The following SLC19A1 variants were observed in gnomAD, a reference collection of about 807,000 sequenced individuals.
SLC19A1 encodes the protein solute carrier family 19 member 1.
Under a neutral mutation model 35.3 loss-of-function variants are expected in SLC19A1, and 37 were observed. The ratio of observed to expected loss-of-function variants is 1.05; its 90% CI spans 0.81 to 1.38. SLC19A1 has a LOEUF of 1.38. Ranked by LOEUF, SLC19A1 falls within the 40% of genes most tolerant of loss-of-function variation. The pLI is 0.00. For synonymous variants in SLC19A1, 460 were observed against 398.5 expected (o/e 1.15, Z -1.84); for missense variants, 831 against 826.9 (o/e 1.00, Z -0.06).
chr21:45,524,655 A>G (rs1447547899), intron 5 of SLC19A1, among the ~76,000 whole-genome samples: 2 of 19,322 alleles, frequency 1.0e-4, no homozygotes, highest in African/African-American at 5.7e-4. Context: ...GGCCTCGGAG[A>G]CTCACCTGCC....
intron 5 of SLC19A1, among the ~76,000 whole-genome samples, chr21:45,516,463 C>T (rs985281527): frequency 6.6e-6 from 1 of 152,212 alleles, no homozygotes; most frequent in Non-Finnish European, 1.5e-5. Flanking sequence ...GCTGCCCCCC[C>T]ATGGTGCTGA....
upstream of SLC19A1, among the ~76,000 whole-genome samples, chr21:45,548,166 G>A (rs899894795): frequency 3.3e-5 from 5 of 152,180 alleles, no homozygotes; most frequent in African/African-American, 7.2e-5. Context: ...TTCATTTGGG[G>A]AAAGGGTGGT....
upstream of SLC19A1, among the ~76,000 whole-genome samples, chr21:45,548,122 G>A (rs1158181394): frequency 6.6e-6 from 1 of 152,202 alleles, no homozygotes; most frequent in Non-Finnish European, 1.5e-5. Flanking sequence ...CCACCCACAT[G>A]GACCACAGAT....
Position 45,529,704 on chromosome 21 carries a change from GGT to G in SLC19A1, c.1151+1064_1151+1065del, listed in dbSNP as rs745384574. ...GTGAGCATGTGTTGTGTGTCCGTGT[GGT>G]GTGTGTCCATCTGAGCGTGTAGCAT... On this transcript the variant is annotated intron_variant, in intron 4 of 5. Transcript: ENST00000311124. Among the ~76,000 whole-genome samples the G allele has an allele frequency of 6.6e-5, 10 of 151,706 alleles. No individual in the cohort carries two copies. The East Asian group carries it at 1.2e-3, about 18-fold the overall frequency.
downstream of SLC19A1, chr21:45,509,218 C>A: frequency 8.3e-7 from 1 of 1,211,016 alleles, no homozygotes; most frequent in Non-Finnish European, 1.1e-6. Flanking sequence ...CCCAGGGCAG[C>A]CCCAGAGTCG....
chr21:45,512,413 C>T (rs149459132), downstream of SLC19A1: 412 of 1,610,088 alleles, frequency 2.6e-4, 2 homozygotes, highest in East Asian at 6.7e-3. Flanking sequence ...CGCCTGGATG[C>T]GGATGGCCGG....
upstream of SLC19A1, among the ~76,000 whole-genome samples, chr21:45,549,137 T>C (rs1479460938): frequency 6.6e-6 from 1 of 152,146 alleles, no homozygotes; most frequent in East Asian, 1.9e-4. Context: ...AACCCGAATA[T>C]CCATTATGGG....
intron 5 of SLC19A1, among the ~76,000 whole-genome samples, chr21:45,521,245 GC>G (rs2077430829): frequency 6.6e-6 from 1 of 152,164 alleles, no homozygotes; most frequent in Non-Finnish European, 1.5e-5. Flanking sequence ...TGCTATGGCA[GC>G]CCAAACAGAC....
chr21:45,559,958 A>G (rs578261590), intron 1 of SLC19A1, among the ~76,000 whole-genome samples: 2 of 151,874 alleles, frequency 1.3e-5, no homozygotes, highest in Non-Finnish European at 2.9e-5. Flanking sequence ...ACAGCCCCAG[A>G]GACAGGATCC....
chr21:45,503,795 T>TA, intron 3 of SLC19A1: 1 of 281,132 alleles, frequency 3.6e-6, no homozygotes, highest in East Asian at 6.5e-5. Context: ...ATAATAAATT[T>TA]AAAAAATTTA....
At chr21:45,560,525 G>A (rs376990794) in intron 1 of SLC19A1, among the ~76,000 whole-genome samples, 39 of 151,662 alleles carry the variant, frequency 2.6e-4, no homozygotes, top group African/African-American at 9.0e-4. Context: ...AATGGGATGT[G>A]GCACTGGCAC....
downstream of SLC19A1, among the ~76,000 whole-genome samples, chr21:45,511,597 T>A (rs1047829571): frequency 2.0e-5 from 3 of 151,928 alleles, no homozygotes; most frequent in Admixed American, 2.0e-4. Flanking sequence ...CGAGCATGTG[T>A]GCCCTTAAAA....
chr21:45,558,055 G>A (rs2078580834), intron 1 of SLC19A1, among the ~76,000 whole-genome samples: 1 of 152,272 alleles, frequency 6.6e-6, no homozygotes, highest in African/African-American at 2.4e-5. Context: ...TCTGTGCCGA[G>A]TGGCTCCATA....
At chr21:45,558,561 C>T (rs1326339220) in intron 1 of SLC19A1, among the ~76,000 whole-genome samples, 1 of 152,138 alleles carries the variant, frequency 6.6e-6, no homozygotes, top group African/African-American at 2.4e-5. Flanking sequence ...GCCAGTGTGA[C>T]TTGAGTTCAG....
intron 1 of SLC19A1, among the ~76,000 whole-genome samples, chr21:45,556,877 A>G (rs576381031): frequency 6.6e-5 from 10 of 151,082 alleles, no homozygotes; most frequent in African/African-American, 2.5e-4. Context: ...ACCGGCCTGC[A>G]CGTGTCTCCT....
intron 2 of SLC19A1, among the ~76,000 whole-genome samples, chr21:45,535,239 G>A (rs752295211): frequency 1.3e-5 from 2 of 152,240 alleles, no homozygotes; most frequent in Non-Finnish European, 2.9e-5. Flanking sequence ...CGGGGGCCCA[G>A]GCAACCTCAG....
At position 45,505,229 on chromosome 21, in the gene SLC19A1, C is replaced by CCCCCCAGGCCCCCCAGGG. The variant is rs752223708; in HGVS notation, c.498-6635_498-6618dup. ...ACGAGGGGCGCCAGGGCCCTCCCGG[C>CCCCCCAGGCCCCCCAGGG]CCCCCAGGCCCCCCAGGGCCCCCTT... is the stretch of plus-strand genomic sequence containing the variant. On this transcript the variant is annotated intron_variant, in intron 3 of 4. Coordinates refer to the SLC19A1 transcript ENST00000417954. 3.1e-6 allele frequency: 5 copies of CCCCCCAGGCCCCCCAGGG among 1,590,594 alleles called. No individual in the cohort carries two copies. The African/African-American group carries it at 5.4e-5, about 17-fold the overall frequency.
At chr21:45,506,072 G>A in intron 3 of SLC19A1, 1 of 1,543,888 alleles carries the variant, frequency 6.5e-7, no homozygotes, top group South Asian at 1.1e-5. Context: ...ATGGGAGCAG[G>A]TGGCAGCCAG....
At position 45,507,159 on chromosome 21, in the gene SLC19A1, CGGGTGTTGGGG is replaced by C. The variant is rs2037259539; in HGVS notation, c.498-8558_498-8548del. Reference sequence around the variant, plus strand: ...GCACCCTCCTGTGGGCTGGGAGGGCCGGGTGTTGGGGAGGGAGAGGCGGGTGCTGGGCAGGG... The same window carrying C: ...GCACCCTCCTGTGGGCTGGGAGGGCCAGGGAGAGGCGGGTGCTGGGCAGGG... On this transcript the variant is annotated intron_variant, in intron 3 of 4. Coordinates refer to the SLC19A1 transcript ENST00000417954. 6.6e-5 allele frequency: 9 copies of C among 135,430 alleles called. 1 individual carries two copies. The highest frequency in any genetic ancestry group is 1.2e-4 in the Non-Finnish European group (9 of 77,526). 8.4% of individuals were successfully genotyped at this position (135,430 alleles called of 1,614,324 possible). A position where few individuals can be genotyped will look rare whatever the true frequency, so the allele number is the denominator to read the frequency against.
Sources: gnomAD v4.1 joint callset for allele counts (sites outside exome capture counted in the v4.1 genomes callset) on GRCh38, gnomAD v4.1.1 for gene constraint, MANE v1.5 for transcripts, NCBI Gene and HGNC (gene_info 2026-07-23, HGNC 2026-07-21) for gene names.